GPBP1: variants seen among roughly 807,000 people sequenced by gnomAD.
GPBP1 encodes vasculin.
In GPBP1, 13 loss-of-function variants were observed where a neutral mutation model predicts 56.5. The observed-to-expected ratio is 0.23, with a 90% CI of 0.15 to 0.37. The LOEUF (loss-of-function observed/expected upper bound fraction) is 0.37, where lower values mean the gene tolerates loss of function less well. Among genes scored for constraint, GPBP1 ranks in the 10% least tolerant of loss-of-function variants. The probability of loss-of-function intolerance (pLI) is 1.00; values close to 1 mark genes in which losing one functional copy is unlikely to be tolerated. For missense variants in GPBP1, 477 were observed against 572.3 expected, an observed-to-expected ratio of 0.83 and a Z score of 1.70; for synonymous variants, 204 against 188.9, an observed-to-expected ratio of 1.08 and a Z score of -0.66.
chr5:57,225,491 CAAAAA>C (rs554699501), intron 3 of GPBP1, among the ~76,000 whole-genome samples: 10 of 38,134 alleles, frequency 2.6e-4, no homozygotes, highest in African/African-American at 9.4e-4. Context: ...GATTCCTTCT[CAAAAA>C]AAAAAAAAAA....
intron 3 of GPBP1, among the ~76,000 whole-genome samples, chr5:57,214,694 C>T (rs114375944): frequency 0.032 from 4,841 of 152,080 alleles, 155 homozygotes; most frequent in East Asian, 0.13. Context: ...TTTGCTCTGT[C>T]GCCTAGGCTG....
At chr5:57,235,301 A>G (rs1385089748) in intron 5 of GPBP1, among the ~76,000 whole-genome samples, 3 of 151,778 alleles carry the variant, frequency 2.0e-5, no homozygotes, top group African/African-American at 7.3e-5. Context: ...GCAAGACTGC[A>G]TTTCAAAAAA....
intron 3 of GPBP1, among the ~76,000 whole-genome samples, chr5:57,227,950 C>T (rs993679789): frequency 5.9e-5 from 9 of 151,666 alleles, no homozygotes; most frequent in African/African-American, 1.2e-4. Context: ...AGTAACTGTC[C>T]GTATAAAAAA....
intron 2 of GPBP1, among the ~76,000 whole-genome samples, chr5:57,208,247 C>T (rs1755321131): frequency 6.6e-6 from 1 of 152,134 alleles, no homozygotes; most frequent in Admixed American, 6.5e-5. Flanking sequence ...TTGCCTCCCT[C>T]CATATCAATA....
chr5:57,257,027 A>C (rs916497097), intron 10 of GPBP1, among the ~76,000 whole-genome samples: 1 of 151,426 alleles, frequency 6.6e-6, no homozygotes, highest in East Asian at 1.9e-4. Context: ...GGGCAGTGAT[A>C]GTTTTTGTTT....
intron 5 of GPBP1, 128 bp downstream of exon 5, chr5:57,231,449 T>C: frequency 1.3e-6 from 1 of 760,974 alleles, no homozygotes; most frequent in Non-Finnish European, 2.1e-6. Flanking sequence ...AATTTTTATA[T>C]TTTTGTAGAG....
chr5:57,232,708 A>G (rs1008890547), intron 5 of GPBP1, among the ~76,000 whole-genome samples: 3 of 152,228 alleles, frequency 2.0e-5, no homozygotes, highest in African/African-American at 7.2e-5. Context: ...AGATGCGTCA[A>G]GTTATAAATG....
At chr5:57,253,913 G>A (rs988875862) in intron 10 of GPBP1, among the ~76,000 whole-genome samples, 2 of 151,572 alleles carry the variant, frequency 1.3e-5, no homozygotes, top group South Asian at 2.1e-4. Context: ...CGTGAGCCAC[G>A]ACACCTGGCT....
intron 2 of GPBP1, among the ~76,000 whole-genome samples, chr5:57,201,567 A>G (rs897319781): frequency 1.4e-4 from 22 of 152,320 alleles, no homozygotes; most frequent in African/African-American, 2.4e-5. Context: ...AGGATTTTAC[A>G]TAGTTCAGCA....
intron 3 of GPBP1, among the ~76,000 whole-genome samples, chr5:57,229,185 C>T (rs934300642): frequency 1.0e-4 from 14 of 134,306 alleles, no homozygotes; most frequent in Non-Finnish European, 1.9e-4. Context: ...GAGCCAAGAT[C>T]GTGCCACTGC....
rs958462564 is a variant in GPBP1, at chr5:57,176,002, A to G, written c.-456A>G. ...TAAGATGTTGCAGTTTTCCGGCAGC[A>G]TGGTAGTATTGAGATAGCTATGTGT... On this transcript the variant is annotated 5_prime_UTR_variant, in exon 2 of 12. It removes an upstream start codon present in the reference 5' UTR. Transcript: ENST00000506184. 3.0e-5 allele frequency: 12 copies of G among 398,532 alleles called. No individual in the cohort carries two copies. The highest frequency in any genetic ancestry group is 6.2e-5 in the African/African-American group (3 of 48,740). The allele number at this position is 398,532 out of a possible 1,614,324, so 24.7% of individuals were successfully genotyped here.
At chr5:57,206,194 T>C (rs1166151696) in intron 2 of GPBP1, among the ~76,000 whole-genome samples, 1 of 152,300 alleles carries the variant, frequency 6.6e-6, no homozygotes, top group South Asian at 2.1e-4. Context: ...CTTTTTACTT[T>C]ATAGATAATA....
chr5:57,259,063 A>G (rs1580089019), intron 10 of GPBP1, among the ~76,000 whole-genome samples: 1 of 152,276 alleles, frequency 6.6e-6, no homozygotes, highest in African/African-American at 2.4e-5. Flanking sequence ...AAAGGAGGCC[A>G]TCCAGATTAA....
chr5:57,252,147 A>G (rs1386507539), intron 10 of GPBP1, among the ~76,000 whole-genome samples: 3 of 9,968 alleles, frequency 3.0e-4, no homozygotes, highest in African/African-American at 1.1e-3. Context: ...CCCCACCCCC[A>G]CAGGCACCTT....
chr5:57,234,261 C>T (rs1167139573), intron 5 of GPBP1, among the ~76,000 whole-genome samples: 1 of 152,000 alleles, frequency 6.6e-6, no homozygotes, highest in Non-Finnish European at 1.5e-5. Context: ...GGAAAAATAC[C>T]TGATAGAATA....
intron 1 of GPBP1, among the ~76,000 whole-genome samples, chr5:57,174,544 C>T (rs549691119): frequency 1.3e-5 from 2 of 152,314 alleles, no homozygotes; most frequent in Non-Finnish European, 2.9e-5. Context: ...CTTCCCCCGG[C>T]CTCTTGCACA....
At position 57,224,122 on chromosome 5, in the gene GPBP1, C is replaced by T. The variant is rs924000730; in HGVS notation, c.64-6724C>T. The stretch of plus-strand genomic sequence containing the variant: ...TGCTGGGATTACAGGCATGAGCCAC[C>T]GCGCCCGGCCTTAAATTATATTTTT... On this transcript the variant is annotated intron_variant, in intron 3 of 11. Coordinates refer to ENST00000506184, the MANE Select transcript of GPBP1 (RefSeq NM_022913.4). Among the ~76,000 whole-genome samples the T allele has an allele frequency of 1.4e-4, 21 of 151,900 alleles. 1 individual carries two copies. Among genetic ancestry groups the T allele is most frequent in the African/African-American group, 5.1e-4 (21 of 41,420 alleles).
rs112088659 is a variant in GPBP1, at chr5:57,231,255, A to G, written c.345A>G (p.Ile115Met). The change falls in exon 5 of 12, where the codon ATA (isoleucine) becomes ATG (methionine). Residue 115 changes from isoleucine to methionine, a missense_variant. Ile to Met is a conservative substitution (Grantham distance 10). This residue lies in a region of GPBP1 where 414 missense variants were observed against 458.2 expected (regional missense o/e 0.90). Coordinates refer to ENST00000506184, the MANE Select transcript of GPBP1 (RefSeq NM_022913.4). ...GCCAAGGACTACATGAAAACAACAT[A>G]CCTGACAATGAAACCGGGAGGAAAG... is the stretch of plus-strand genomic sequence containing the variant. ...GKSQGLHENN[I>M]PDNETGRKED... The G allele has an allele frequency of 1.1e-5, 17 of 1,614,128 alleles. No homozygotes were observed. Among genetic ancestry groups the G allele is most frequent in the Middle Eastern group, 1.7e-4 (1 of 6,060 alleles).
chr5:57,211,959 CAG>C (rs571240565), intron 2 of GPBP1, among the ~76,000 whole-genome samples: 15 of 151,170 alleles, frequency 9.9e-5, no homozygotes, highest in South Asian at 6.3e-4. Context: ...TTTTTTGAGA[CAG>C]AGTCTTCCTC....
Sources: allele counts gnomAD v4.1 joint callset (sites outside exome capture counted in the v4.1 genomes callset), GRCh38; gene constraint gnomAD v4.1.1; regional missense constraint gnomAD v4.1.1; transcripts MANE v1.5; gene names NCBI Gene and HGNC (gene_info 2026-07-23, HGNC 2026-07-21).